UBR4: variants seen among roughly 807,000 people sequenced by gnomAD.
UBR4 encodes the protein ubiquitin protein ligase E3 component n-recognin 4.
Under a neutral mutation model 575.6 loss-of-function variants are expected in UBR4, and 124 were observed. The observed-to-expected ratio is 0.22, with a 90% CI of 0.19 to 0.25. UBR4 has a LOEUF of 0.25. Among genes scored for constraint, UBR4 ranks in the 10% least tolerant of loss-of-function variants. The pLI, the probability that UBR4 is intolerant of heterozygous loss-of-function variation, is 1.00. For missense variants in UBR4, 4,818 were observed against 6,478.8 expected (o/e 0.74, Z 8.80); for synonymous variants, 2,455 against 2,473.7 (o/e 0.99, Z 0.22).
At chr1:19,142,857 C>T (rs1422282071) in intron 55 of UBR4, among the ~76,000 whole-genome samples, 4 of 152,128 alleles carry the variant, frequency 2.6e-5, no homozygotes, top group African/African-American at 7.2e-5. Context: ...AGCAGTGGCT[C>T]GCGCCTATAA....
In UBR4 at chr1:19,085,182, G is replaced by A. The variant is rs112434925; in HGVS notation, c.14814-484C>T. On this transcript the variant is annotated intron_variant, in intron 101 of 105. Coordinates refer to ENST00000375254, the MANE Select transcript of UBR4 (RefSeq NM_020765.3). Reference sequence around the variant, plus strand: ...TGCCTCTTATTAACTGGGTGACCTCGAGCAAGTTGCTCAAACTCTGCATCT... The same window carrying A: ...TGCCTCTTATTAACTGGGTGACCTCAAGCAAGTTGCTCAAACTCTGCATCT... 4.1e-4 allele frequency among the ~76,000 whole-genome samples: 63 copies of A among 152,214 alleles called. 1 individual carries two copies. In the South Asian group the frequency reaches 7.5e-3, roughly 18 times the overall value.
At chr1:19,171,437 C>CAAAAAAAA in intron 25 of UBR4, among the ~76,000 whole-genome samples, 1 of 148,128 alleles carries the variant, frequency 6.8e-6, no homozygotes. Context: ...AAATTTGAGC[C>CAAAAAAAA]AAAAAAAAAA....
chr1:19,104,901 C>A (rs2079023984), intron 85 of UBR4, 147 bp downstream of exon 85: 2 of 1,330,416 alleles, frequency 1.5e-6, no homozygotes, highest in South Asian at 2.9e-5. Flanking sequence ...ATAATAAATA[C>A]AATGAAGTCA....
chr1:19,155,748 C>G (rs551747427), intron 42 of UBR4, 80 bp from the exon 43 acceptor site: 11 of 1,209,714 alleles, frequency 9.1e-6, no homozygotes, highest in Non-Finnish European at 1.2e-5. Flanking sequence ...TCCAAATAGC[C>G]GGAACTGACC....
At chr1:19,115,338 C>T (rs1488274542) in intron 74 of UBR4, 60 bp downstream of exon 74, 2 of 1,582,256 alleles carry the variant, frequency 1.3e-6, no homozygotes, top group South Asian at 1.2e-5. Context: ...ACTGACACTA[C>T]TACAGAAAAA....
In UBR4 at chr1:19,119,602, G is replaced by A. The variant is rs754572514; in HGVS notation, c.10410C>T (p.Asp3470=). Residue 3470 remains aspartate, a synonymous_variant, in exon 70 of 106, where the codon GAC becomes GAT. Transcript: ENST00000375254. Reference sequence around the variant, plus strand: ...TTTTCAGGGAGAAATATCCTAGTAGGTCCACAAACTGGGCAGCCTTACGAC... The same window carrying A: ...TTTTCAGGGAGAAATATCCTAGTAGATCCACAAACTGGGCAGCCTTACGAC... ...AYGRKAAQFV[D]LLGYFSLKTP... The A allele has an allele frequency of 1.2e-6, 2 of 1,613,992 alleles. No homozygotes were observed. Among genetic ancestry groups the A allele is most frequent in the Non-Finnish European group, 1.7e-6 (2 of 1,179,896 alleles).
intron 64 of UBR4, 67 bp from the exon 65 acceptor site, chr1:19,124,757 G>T: frequency 1.3e-6 from 2 of 1,573,706 alleles, no homozygotes; most frequent in Non-Finnish European, 1.7e-6. Flanking sequence ...TTAGGAAAAA[G>T]CCTGGCTCAT....
chr1:19,167,877 T>C (rs887142327), intron 28 of UBR4, 150 bp downstream of exon 28: 2 of 765,884 alleles, frequency 2.6e-6, no homozygotes, highest in Non-Finnish European at 3.8e-6. Context: ...TCATTCTAGG[T>C]AAGTGCTTAT....
chr1:19,176,095 T>C (rs1227032812), intron 20 of UBR4, among the ~76,000 whole-genome samples: 3 of 151,116 alleles, frequency 2.0e-5, no homozygotes, highest in Non-Finnish European at 4.4e-5. Flanking sequence ...CCTCAATTTT[T>C]TTTTTTTCCT....
rs1399596527 is a variant in UBR4, at chr1:19,115,835, G to C, written c.10824-198C>G. Among the ~76,000 whole-genome samples the C allele has an allele frequency of 4.6e-5, 7 of 152,200 alleles. No homozygotes were observed. The East Asian group carries it at 1.3e-3, about 29-fold the overall frequency. ...ACCTTTTCTCTATAAAAAAAGGAAAGAACATACAAGTGCTTTAAGCTGTTA... is the reference window on the plus strand; with the variant it reads ...ACCTTTTCTCTATAAAAAAAGGAAACAACATACAAGTGCTTTAAGCTGTTA... On this transcript the variant is annotated intron_variant, in intron 73 of 105. Transcript: ENST00000375254.
At chr1:19,202,960 T>C (rs1234060627) in intron 1 of UBR4, among the ~76,000 whole-genome samples, 1 of 151,492 alleles carries the variant, frequency 6.6e-6, no homozygotes, top group African/African-American at 2.4e-5. Context: ...CACGCGCCTG[T>C]AATCCCAGCT....
At position 19,119,674 on chromosome 1, in the gene UBR4, G is replaced by C. The variant is rs962459333; in HGVS notation, c.10338C>G (p.Leu3446=). The C allele has an allele frequency of 6.2e-7, 1 of 1,612,754 alleles. No homozygotes were observed. The highest frequency in any genetic ancestry group is 8.5e-7 in the Non-Finnish European group (1 of 1,178,890). ...YRNSSKSQQE[L]LLDLMWSIWP... The stretch of plus-strand genomic sequence containing the variant: ...AGATGGACCACATCAGATCTAGCAG[G>C]AGCTCCTGTTGAGATTTGCTGGAAT... Residue 3446 remains leucine, a synonymous_variant, in exon 70 of 106, where the codon CTC becomes CTG. Coordinates refer to ENST00000375254, the MANE Select transcript of UBR4 (RefSeq NM_020765.3).
At chr1:19,120,144 C>A (rs745846141) in intron 69 of UBR4, 36 bp downstream of exon 69, 3 of 1,608,594 alleles carry the variant, frequency 1.9e-6, no homozygotes, top group South Asian at 2.2e-5. Flanking sequence ...TGGCCTCACA[C>A]CCTTGCAGAT....
intron 63 of UBR4, 85 bp from the exon 64 acceptor site, chr1:19,126,740 ACACT>A: frequency 2.9e-6 from 4 of 1,361,290 alleles, no homozygotes; most frequent in East Asian, 2.3e-5. Context: ...GATGGGAAAC[ACACT>A]CACAACAGTC....
chr1:19,150,866 C>G (rs2085584638), intron 48 of UBR4, 73 bp from the exon 49 acceptor site: 1 of 1,456,470 alleles, frequency 6.9e-7, no homozygotes, highest in Non-Finnish European at 9.5e-7. Context: ...AAGACCAGAA[C>G]AGTTGGAGCA....
intron 38 of UBR4, 117 bp downstream of exon 38, chr1:19,160,800 A>G: frequency 1.0e-6 from 1 of 998,884 alleles, no homozygotes. Flanking sequence ...TCACACTATG[A>G]AAATGGGTAA....
At chr1:19,094,837 G>A in intron 94 of UBR4, 69 bp downstream of exon 94, 3 of 1,587,406 alleles carry the variant, frequency 1.9e-6, no homozygotes, top group Non-Finnish European at 2.6e-6. Context: ...ACACAAACAG[G>A]CCTGTTGTGG....
intron 93 of UBR4, 119 bp from the exon 94 acceptor site, chr1:19,095,144 C>T (rs1021719100): frequency 2.0e-5 from 29 of 1,452,264 alleles, no homozygotes; most frequent in Non-Finnish European, 2.4e-5. Context: ...GTGTGTATGA[C>T]CGTGTGTATG....
In UBR4 at chr1:19,093,386, C is replaced by G. The variant is rs769133853; in HGVS notation, c.14038G>C (p.Asp4680His). ...GTGATCCCCTTCTGGAGAATCAGAT[C>G]CTTCAGCTGGTGCCCATTGCTGTTG... ...KNNSNGHQLKDLILQKGITQN... is the reference protein window; with the variant it reads ...KNNSNGHQLKHLILQKGITQN... Residue 4680 changes from aspartate to histidine, a missense_variant, in exon 96 of 106, where the codon GAT (aspartate) becomes CAT (histidine). Coordinates refer to ENST00000375254, the MANE Select transcript of UBR4 (RefSeq NM_020765.3). The surrounding 1 kb of genome is among the most constrained non-coding windows in gnomAD (Gnocchi z 4.8). 6.2e-7 allele frequency: 1 copy of G among 1,614,242 alleles called. No homozygotes were observed. Among genetic ancestry groups the G allele is most frequent in the Non-Finnish European group, 8.5e-7 (1 of 1,180,048 alleles).
Sources: allele counts gnomAD v4.1 joint callset (sites outside exome capture counted in the v4.1 genomes callset), GRCh38; gene constraint gnomAD v4.1.1; non-coding constraint Gnocchi (gnomAD v3.1); transcripts MANE v1.5; gene names NCBI Gene and HGNC (gene_info 2026-07-23, HGNC 2026-07-21).